FANCB: variants seen among roughly 807,000 people sequenced by gnomAD.
FANCB encodes FA complementation group B.
A neutral mutation model predicts 38.9 loss-of-function variants in FANCB; 5 were observed. The observed-to-expected ratio is 0.13, with a 90% confidence interval of 0.07 to 0.27. The LOEUF is 0.27. Ranked by LOEUF, FANCB falls within the 10% of genes least tolerant of loss-of-function variation. The pLI, the probability that FANCB is intolerant of heterozygous loss-of-function variation, is 1.00. For missense variants in FANCB, 573 were observed against 602.7 expected, an observed-to-expected ratio of 0.95 and a Z score of 0.52; for synonymous variants, 236 against 215.4, an observed-to-expected ratio of 1.10 and a Z score of -0.84.
rs763366953 is a variant in FANCB at position 14,844,942 on chromosome X, T to C, written c.1841A>G (p.Tyr614Cys). The C allele has an allele frequency of 8.3e-7, 1 of 1,202,563 alleles. No homozygotes were observed. Among genetic ancestry groups the C allele is most frequent in the African/African-American group, 1.7e-5 (1 of 57,501 alleles). ...TAAAAAAACTCTGCCACACACAACATAACGATCTTTAGGACAGTTACCACT... is the reference window on the plus strand; with the variant it reads ...TAAAAAAACTCTGCCACACACAACACAACGATCTTTAGGACAGTTACCACT... ...RESGNCPKDR[Y>C]VVCGRVFLSL... The change falls in exon 8 of 10, where the codon TAT (tyrosine) becomes TGT (cysteine). Residue 614 changes from tyrosine (Y) to cysteine (C), a missense_variant. Physicochemically the swap from Tyr to Cys is radical, Grantham distance 194. Transcript: ENST00000650831.
chrX:14,844,858 A>G lies in FANCB; in HGVS notation c.1925T>C (p.Ile642Thr), dbSNP rs2147390023. The change falls in exon 8 of 10, where the codon ATA (isoleucine) becomes ACA (threonine). Residue 642 changes from isoleucine (I) to threonine (T), a missense_variant and splice_region_variant. Physicochemically the swap from Ile to Thr is moderately conservative, Grantham distance 89. Coordinates refer to ENST00000650831, the MANE Select transcript of FANCB (RefSeq NM_001018113.3). ...TCTAAAAGTGCCAACAAAATTACCTATAGGTTTCTTCTTTGGAAATGTCAG... is the reference window on the plus strand; with the variant it reads ...TCTAAAAGTGCCAACAAAATTACCTGTAGGTTTCTTCTTTGGAAATGTCAG... ...YLLTFPKKKP[I>T]EHMEDLFALL... 1 of 1,200,790 alleles carries G rather than the reference A, an allele frequency of 8.3e-7. No homozygotes were observed. The highest frequency in any genetic ancestry group is 3.0e-5 in the East Asian group (1 of 33,743).
the FANCB span, among the ~76,000 whole-genome samples, chrX:14,725,385 C>G: frequency 9.0e-6 from 1 of 110,876 alleles, no homozygotes; most frequent in East Asian, 2.8e-4. Flanking sequence ...TGTATTTGGA[C>G]ACATATTGCT....
At chrX:14,842,128 C>G (rs1043138525), downstream of FANCB, among the ~76,000 whole-genome samples, 3 of 111,731 alleles carry the variant, frequency 2.7e-5, no homozygotes, top group African/African-American at 9.8e-5. Context: ...CAGATTTCTA[C>G]GATTAATCCT....
intron 10 of FANCB, among the ~76,000 whole-genome samples, chrX:14,837,982 T>C (rs778246200): frequency 4.7e-4 from 53 of 112,697 alleles, no homozygotes; most frequent in Non-Finnish European, 9.2e-4. Flanking sequence ...AGTGATCAAA[T>C]GGTAGCCACT....
downstream of FANCB, among the ~76,000 whole-genome samples, chrX:14,838,756 A>G (rs951457700): frequency 8.9e-6 from 1 of 112,242 alleles, no homozygotes; most frequent in Admixed American, 9.5e-5. Flanking sequence ...AGTATATACT[A>G]AAAGGCAACC....
the FANCB span, among the ~76,000 whole-genome samples, chrX:14,706,923 C>T: frequency 8.9e-6 from 1 of 112,120 alleles, no homozygotes; most frequent in African/African-American, 3.2e-5. Flanking sequence ...TGCTGAATGT[C>T]GTACAGCCAA....
At chrX:14,750,554 A>G in the FANCB span, among the ~76,000 whole-genome samples, 1 of 111,420 alleles carries the variant, frequency 9.0e-6, no homozygotes, top group Admixed American at 9.5e-5. Flanking sequence ...CTTTTTATAC[A>G]TTCTGCTAGG....
At chrX:14,844,828 T>C (rs1460578410) in intron 8 of FANCB, 28 bp downstream of exon 8, 1 of 1,174,033 alleles carries the variant, frequency 8.5e-7, no homozygotes, top group East Asian at 3.0e-5. Context: ...CAATTAAATA[T>C]ATAATCTAAA....
chrX:14,836,173 A>G (rs1254542486), exon 11 of FANCB: 1 of 112,222 alleles, frequency 8.9e-6, no homozygotes, highest in Non-Finnish European at 1.9e-5. Flanking sequence ...CAGGTACAAA[A>G]ATATAAATAC....
chrX:14,872,635 G>GCCC (rs199639756), intron 1 of FANCB, among the ~76,000 whole-genome samples: 4 of 72,593 alleles, frequency 5.5e-5, no homozygotes, highest in African/African-American at 1.1e-4. Flanking sequence ...TGGTAAAACC[G>GCCC]CCCCCCCCAC....
intron 10 of FANCB, chrX:14,836,289 T>C (rs1363791364): frequency 8.9e-6 from 1 of 111,841 alleles, no homozygotes; most frequent in Non-Finnish European, 1.9e-5. Flanking sequence ...TAACGCTCAA[T>C]GGGTATAGAG....
chrX:14,827,461 TTA>T, the FANCB span, among the ~76,000 whole-genome samples: 4 of 112,230 alleles, frequency 3.6e-5, no homozygotes, highest in African/African-American at 1.3e-4. Flanking sequence ...TTAGTACATT[TTA>T]GTTGTTAATG....
intron 2 of FANCB, among the ~76,000 whole-genome samples, chrX:14,868,220 G>A (rs1306303519): frequency 9.0e-6 from 1 of 111,370 alleles, no homozygotes; most frequent in Non-Finnish European, 1.9e-5. Flanking sequence ...TATATCCAAA[G>A]GAATGAAATC....
chrX:14,755,693 GAATA>G, the FANCB span, among the ~76,000 whole-genome samples: 1 of 111,216 alleles, frequency 9.0e-6, no homozygotes, highest in African/African-American at 3.3e-5. Flanking sequence ...TCATGAATTA[GAATA>G]ATTAATATCA....
At chrX:14,808,724 C>A in the FANCB span, among the ~76,000 whole-genome samples, 3 of 111,885 alleles carry the variant, frequency 2.7e-5, no homozygotes, top group Admixed American at 9.5e-5. Flanking sequence ...AGCAATCAGA[C>A]AAGATAAAGA....
At chrX:14,795,667 T>G in the FANCB span, among the ~76,000 whole-genome samples, 4 of 112,288 alleles carry the variant, frequency 3.6e-5, no homozygotes, top group African/African-American at 1.3e-4. Flanking sequence ...TTATTTTTCC[T>G]GTGAAATTTT....
chrX:14,821,956 T>C, the FANCB span, among the ~76,000 whole-genome samples: 2 of 111,900 alleles, frequency 1.8e-5, no homozygotes, highest in Non-Finnish European at 3.8e-5. Flanking sequence ...AGAAAATCCT[T>C]TGAAGAGACG....
the FANCB span, among the ~76,000 whole-genome samples, chrX:14,825,645 CTG>C: frequency 8.9e-6 from 1 of 112,114 alleles, no homozygotes; most frequent in African/African-American, 3.2e-5. Context: ...ACATTAATAT[CTG>C]TCATATCTGT....
chrX:14,726,044 G>C, the FANCB span, among the ~76,000 whole-genome samples: 1 of 112,215 alleles, frequency 8.9e-6, no homozygotes. Flanking sequence ...TGGCTAATCA[G>C]AAGAAATGGA....
Sources: gnomAD v4.1 joint callset for allele counts (sites outside exome capture counted in the v4.1 genomes callset) on GRCh38, gnomAD v4.1.1 for gene constraint, MANE v1.5 for transcripts, NCBI Gene and HGNC (gene_info 2026-07-23, HGNC 2026-07-21) for gene names.